The following DISC1 variants were observed in gnomAD, a reference collection of about 807,000 sequenced individuals.
The protein encoded by DISC1 is disrupted in schizophrenia 1 protein.
DISC1 carries 57 observed loss-of-function variants against 84.5 expected under a neutral mutation model. The ratio of observed to expected loss-of-function variants is 0.67; its 90% CI spans 0.55 to 0.84. The LOEUF (loss-of-function observed/expected upper bound fraction) is 0.84, where lower values mean the gene tolerates loss of function less well. DISC1 is among the 40% of genes least tolerant of loss of function. The pLI is 0.00. For synonymous variants in DISC1, 411 were observed against 415.2 expected, an observed-to-expected ratio of 0.99 and a Z score of 0.12; for missense variants, 1,000 against 1,057.8, an observed-to-expected ratio of 0.95 and a Z score of 0.76.
chr1:231,937,936 A>G (rs2091082990), intron 9 of DISC1, among the ~76,000 whole-genome samples: 1 of 151,772 alleles, frequency 6.6e-6, no homozygotes, highest in Non-Finnish European at 1.5e-5. Context: ...CTTTGGAAAC[A>G]CTTCATTCTT....
At chr1:231,928,569 T>C (rs758539803) in intron 9 of DISC1, among the ~76,000 whole-genome samples, 28 of 152,218 alleles carry the variant, frequency 1.8e-4, no homozygotes, top group Admixed American at 4.6e-4. Flanking sequence ...AGTTCTGCTC[T>C]GATCTTATTT....
At chr1:231,776,176 A>G (rs191825527) in intron 6 of DISC1, among the ~76,000 whole-genome samples, 2 of 152,178 alleles carry the variant, frequency 1.3e-5, no homozygotes, top group African/African-American at 4.8e-5. Flanking sequence ...TAGCATGCAT[A>G]TGGCTAACGG....
At chr1:231,690,573 C>A (rs2064876146) in intron 1 of DISC1, among the ~76,000 whole-genome samples, 1 of 152,124 alleles carries the variant, frequency 6.6e-6, no homozygotes. Flanking sequence ...CATCCTAATC[C>A]TTATTGAACT....
Position 231,864,479 on chromosome 1 carries a change from C to G in DISC1, c.1981+45962C>G, listed in dbSNP as rs533086647. ...GAGATTGAGACCATCCTGGCTAACA[C>G]AGTGAAACCCCGTCTCTATTAAAAA... On this transcript the variant is annotated intron_variant, in intron 9 of 12. Transcript: ENST00000439617. Among the ~76,000 whole-genome samples the G allele has an allele frequency of 2.0e-5, 3 of 152,024 alleles. No homozygotes were observed. The East Asian group carries it at 5.8e-4, about 29-fold the overall frequency.
chr1:231,746,516 G>A (rs2073996960), intron 3 of DISC1, among the ~76,000 whole-genome samples: 1 of 152,184 alleles, frequency 6.6e-6, no homozygotes, highest in African/African-American at 2.4e-5. Flanking sequence ...GTTTCTTGAG[G>A]AACTTCCATA....
rs1461560372 is a variant in DISC1 at position 231,923,307 on chromosome 1, C to CA, written c.1982-35510dup. 2.2e-3 allele frequency among the ~76,000 whole-genome samples: 300 copies of CA among 138,510 alleles called. 1 individual carries two copies. The highest frequency in any genetic ancestry group is 0.02 in the East Asian group (97 of 4,802). The allele number at this position is 138,510 out of a possible 152,430, so 90.9% of individuals were successfully genotyped here. A position where few individuals can be genotyped will look rare whatever the true frequency, so the allele number is the denominator to read the frequency against. On this transcript the variant is annotated intron_variant, in intron 9 of 12. Transcript: ENST00000439617. ...GTCTCAAAAACAAAACAAAAAAAAC[C>CA]AAAAAAAAAAACAAAAAGAAAAAGA...
chr1:231,790,915 C>T (rs1477074861), intron 6 of DISC1, among the ~76,000 whole-genome samples: 1 of 152,186 alleles, frequency 6.6e-6, no homozygotes, highest in Admixed American at 6.5e-5. Context: ...AGCCCTATCT[C>T]CAAACATCGT....
At chr1:231,844,680 A>G (rs1226129566) in intron 9 of DISC1, among the ~76,000 whole-genome samples, 1 of 152,112 alleles carries the variant, frequency 6.6e-6, no homozygotes. Context: ...AATACCCAGC[A>G]TTTTGGGAGG....
At chr1:231,973,939 C>T (rs1389830828) in intron 10 of DISC1, among the ~76,000 whole-genome samples, 1 of 152,198 alleles carries the variant, frequency 6.6e-6, no homozygotes, top group Non-Finnish European at 1.5e-5. Flanking sequence ...CACACCCACT[C>T]CAAACTAATG....
At chr1:231,935,594 G>C (rs1353488509) in intron 9 of DISC1, among the ~76,000 whole-genome samples, 2 of 152,134 alleles carry the variant, frequency 1.3e-5, no homozygotes, top group East Asian at 3.9e-4. Flanking sequence ...GGTGTTAAGG[G>C]GTGGGCTTAA....
At chr1:231,894,224 G>C (rs1226123139) in intron 9 of DISC1, among the ~76,000 whole-genome samples, 2 of 152,114 alleles carry the variant, frequency 1.3e-5, no homozygotes, top group Non-Finnish European at 2.9e-5. Flanking sequence ...TTTGTCTCTT[G>C]ATATTTAACT....
chr1:231,946,073 A>T (rs2126144544), intron 9 of DISC1, among the ~76,000 whole-genome samples: 1 of 152,336 alleles, frequency 6.6e-6, no homozygotes, highest in East Asian at 1.9e-4. Context: ...ATGATTCCAA[A>T]CAAGAGAAAA....
At chr1:231,641,409 G>A (rs564224231) in intron 1 of DISC1, among the ~76,000 whole-genome samples, 1 of 152,158 alleles carries the variant, frequency 6.6e-6, no homozygotes, top group African/African-American at 2.4e-5. Context: ...GTCTGGAGTC[G>A]TTCGTTCCTC....
intron 10 of DISC1, among the ~76,000 whole-genome samples, chr1:231,984,926 G>A (rs958657768): frequency 6.6e-6 from 1 of 152,072 alleles, no homozygotes; most frequent in African/African-American, 2.4e-5. Context: ...GTAGATTTTG[G>A]GGTTAGAGTA....
At chr1:231,917,248 G>A (rs192882315) in intron 9 of DISC1, among the ~76,000 whole-genome samples, 182 of 152,106 alleles carry the variant, frequency 1.2e-3, no homozygotes, top group Non-Finnish European at 2.1e-3. Context: ...TTTTCCCTGC[G>A]GCATTACTAA....
Position 231,719,954 on chromosome 1 carries a change from C to CA in DISC1, c.1117+17931dup, listed in dbSNP as rs796135753. 4.2e-4 allele frequency among the ~76,000 whole-genome samples: 64 copies of CA among 152,300 alleles called. 1 individual carries two copies. The highest frequency in any genetic ancestry group is 1.5e-3 in the African/African-American group (61 of 41,564). ...GATGACAGCGATGTAGCAGAAGGGA[C>CA]AGTTTTCCACTTGACCTTTATACAA... On this transcript the variant is annotated intron_variant, in intron 3 of 12. Coordinates refer to ENST00000439617, the MANE Select transcript of DISC1 (RefSeq NM_018662.3).
chr1:231,765,892 C>G (rs748668621), intron 4 of DISC1, among the ~76,000 whole-genome samples: 2 of 152,104 alleles, frequency 1.3e-5, no homozygotes, highest in Admixed American at 6.5e-5. Context: ...CCATCAAGGT[C>G]AGCTCTGGAA....
At chr1:231,735,929 C>T (rs1271680478) in intron 3 of DISC1, among the ~76,000 whole-genome samples, 1 of 152,188 alleles carries the variant, frequency 6.6e-6, no homozygotes, top group African/African-American at 2.4e-5. Context: ...CCTCCTACCT[C>T]AGCCTCCTGA....
In DISC1 at chr1:231,694,044, C is replaced by G; in HGVS notation, c.286C>G (p.Arg96Gly). Residue 96 changes from arginine to glycine, a missense_variant, in exon 2 of 13, where the codon CGG (arginine) becomes GGG (glycine). Transcript: ENST00000439617. ...CGLDSRGLLV[R>G]SPVSKSAAAP... is the part of the protein sequence containing the mutation. ...CCTTGACTCGAGAGGCCTCTTGGTC[C>G]GGAGCCCTGTTTCCAAGAGTGCAGC... is the stretch of plus-strand genomic sequence containing the variant. 6.2e-7 allele frequency: 1 copy of G among 1,614,162 alleles called. No homozygotes were observed. Among genetic ancestry groups the G allele is most frequent in the Non-Finnish European group, 8.5e-7 (1 of 1,180,028 alleles).
Sources: gnomAD v4.1 joint callset for allele counts (sites outside exome capture counted in the v4.1 genomes callset) on GRCh38, gnomAD v4.1.1 for gene constraint, MANE v1.5 for transcripts, NCBI Gene and HGNC (gene_info 2026-07-23, HGNC 2026-07-21) for gene names.